SGCZ: variants seen among roughly 807,000 people sequenced by gnomAD.
SGCZ encodes zeta-sarcoglycan.
SGCZ carries 40 observed loss-of-function variants against 41.3 expected under a neutral mutation model. The ratio of observed to expected loss-of-function variants is 0.97; its 90% CI spans 0.75 to 1.26. The LOEUF is 1.26. Among genes scored for constraint, SGCZ ranks in the 50% most tolerant of loss-of-function variants. SGCZ has a pLI of 0.00. For missense variants in SGCZ, 552 were observed against 369.8 expected (o/e 1.49, Z -4.04); for synonymous variants, 206 against 137.5 (o/e 1.50, Z -3.49).
At chr8:14,723,666 T>TTACC (rs1249029139) in intron 1 of SGCZ, among the ~76,000 whole-genome samples, 2 of 149,340 alleles carry the variant, frequency 1.3e-5, no homozygotes, top group African/African-American at 5.1e-5. Flanking sequence ...ATTTATATAT[T>TTACC]TATCTATATA....
chr8:14,437,736 A>T (rs113807685), intron 2 of SGCZ, among the ~76,000 whole-genome samples: 1 of 151,842 alleles, frequency 6.6e-6, no homozygotes, highest in Admixed American at 6.6e-5. Context: ...ATAATATTGT[A>T]TTAAAATTTT....
chr8:14,181,146 G>A lies in SGCZ; in HGVS notation c.425-16444C>T, dbSNP rs1804712255. ...TAGGGCCAACGGGAGAAAACCCAAT[G>A]GTAATAATGTTACAAAAATGGATAC... On this transcript the variant is annotated intron_variant, in intron 4 of 7. Transcript: ENST00000382080. Among the ~76,000 whole-genome samples the A allele has an allele frequency of 2.0e-5, 3 of 152,190 alleles. No individual in the cohort carries two copies. The East Asian group carries it at 5.8e-4, about 30-fold the overall frequency.
intron 1 of SGCZ, among the ~76,000 whole-genome samples, chr8:15,007,421 G>T (rs1285350099): frequency 6.6e-6 from 1 of 152,174 alleles, no homozygotes. Flanking sequence ...CTAAAACTCT[G>T]ATTCGAACTT....
At chr8:15,100,412 A>G (rs1806559920) in intron 1 of SGCZ, among the ~76,000 whole-genome samples, 1 of 152,126 alleles carries the variant, frequency 6.6e-6, no homozygotes, top group East Asian at 2.0e-4. Flanking sequence ...TATGAAACAG[A>G]TATGAGGAAA....
chr8:14,841,149 T>G (rs1260776509), intron 1 of SGCZ, among the ~76,000 whole-genome samples: 1 of 151,902 alleles, frequency 6.6e-6, no homozygotes, highest in Non-Finnish European at 1.5e-5. Context: ...GTTATTTAAG[T>G]TTAAATGCTG....
chr8:14,886,175 T>C (rs1406392773), intron 1 of SGCZ, among the ~76,000 whole-genome samples: 1 of 151,422 alleles, frequency 6.6e-6, no homozygotes, highest in Non-Finnish European at 1.5e-5. Context: ...TTGTTGATGA[T>C]TGTTTATAAC....
chr8:15,115,936 C>T (rs1456901706), intron 1 of SGCZ, among the ~76,000 whole-genome samples: 2 of 152,134 alleles, frequency 1.3e-5, no homozygotes, highest in African/African-American at 2.4e-5. Context: ...TATAATAGTT[C>T]AGCAAACTTT....
intron 5 of SGCZ, among the ~76,000 whole-genome samples, chr8:14,117,983 T>C (rs574821036): frequency 1.3e-5 from 2 of 151,700 alleles, no homozygotes; most frequent in South Asian, 2.1e-4. Flanking sequence ...CAGTCTATCA[T>C]TGATTGACAT....
chr8:14,538,955 G>T (rs955137046), intron 2 of SGCZ, among the ~76,000 whole-genome samples: 2 of 151,914 alleles, frequency 1.3e-5, no homozygotes, highest in African/African-American at 4.8e-5. Context: ...TGTCAGCTTG[G>T]CTGGGCCAAA....
chr8:15,139,456 A>G (rs1249248389), intron 1 of SGCZ, among the ~76,000 whole-genome samples: 1 of 152,206 alleles, frequency 6.6e-6, no homozygotes, highest in Non-Finnish European at 1.5e-5. Flanking sequence ...TCAATTACCT[A>G]TATTAAAAGT....
At chr8:14,657,036 GGGGATATTATTTA>G (rs1807599695) in intron 1 of SGCZ, among the ~76,000 whole-genome samples, 1 of 151,988 alleles carries the variant, frequency 6.6e-6, no homozygotes, top group African/African-American at 2.4e-5. Flanking sequence ...AATATGCAGT[GGGGATATTATTTA>G]GGAAACTATT....
intron 2 of SGCZ, among the ~76,000 whole-genome samples, chr8:14,432,771 A>T (rs1799979638): frequency 6.6e-6 from 1 of 151,942 alleles, no homozygotes; most frequent in African/African-American, 2.4e-5. Context: ...AAAATTAGCC[A>T]GGCGTGGTGG....
chr8:15,107,148 T>G (rs1806859897), intron 1 of SGCZ, among the ~76,000 whole-genome samples: 1 of 152,304 alleles, frequency 6.6e-6, no homozygotes, highest in South Asian at 2.1e-4. Flanking sequence ...TAATTGAGAT[T>G]AGTTTGTCAT....
At chr8:14,566,037 C>T (rs1369899679) in intron 1 of SGCZ, among the ~76,000 whole-genome samples, 1 of 152,004 alleles carries the variant, frequency 6.6e-6, no homozygotes, top group Non-Finnish European at 1.5e-5. Context: ...TGGGTTATCT[C>T]ACTTATGGAG....
chr8:14,660,709 T>C (rs1807720373), intron 1 of SGCZ, among the ~76,000 whole-genome samples: 1 of 151,990 alleles, frequency 6.6e-6, no homozygotes, highest in Non-Finnish European at 1.5e-5. Context: ...AATAATATTA[T>C]AGGCAGAACA....
chr8:14,170,819 A>G (rs1469781390), intron 4 of SGCZ, among the ~76,000 whole-genome samples: 1 of 152,138 alleles, frequency 6.6e-6, no homozygotes, highest in Non-Finnish European at 1.5e-5. Context: ...GAAACAAAAA[A>G]TGGCATGTCA....
At chr8:14,239,639 AC>A (rs1417676535) in intron 3 of SGCZ, among the ~76,000 whole-genome samples, 2 of 152,090 alleles carry the variant, frequency 1.3e-5, no homozygotes, top group East Asian at 3.9e-4. Flanking sequence ...GAATTATTTC[AC>A]GCCTGTAATT....
chr8:14,605,577 G>A (rs569788202), intron 1 of SGCZ, among the ~76,000 whole-genome samples: 9 of 151,910 alleles, frequency 5.9e-5, no homozygotes, highest in South Asian at 2.1e-4. Flanking sequence ...CCTGCCCAGC[G>A]TCTAGCAACC....
intron 1 of SGCZ, among the ~76,000 whole-genome samples, chr8:14,874,871 T>C (rs899854453): frequency 6.6e-6 from 1 of 152,174 alleles, no homozygotes; most frequent in Non-Finnish European, 1.5e-5. Flanking sequence ...TATCCCACAA[T>C]GCTCCTGTAA....
Sources: allele counts gnomAD v4.1 joint callset (sites outside exome capture counted in the v4.1 genomes callset), GRCh38; gene constraint gnomAD v4.1.1; transcripts MANE v1.5; gene names NCBI Gene and HGNC (gene_info 2026-07-23, HGNC 2026-07-21).